The following RFX2 variants were observed in gnomAD, a reference collection of about 807,000 sequenced individuals.
RFX2 encodes DNA-binding protein RFX2.
RFX2 carries 20 observed loss-of-function variants against 87.8 expected under a neutral mutation model. That is an observed-to-expected ratio of 0.23 (90% CI 0.16 to 0.33). RFX2 has a LOEUF of 0.33. RFX2 is among the 10% of genes least tolerant of loss of function. The probability of loss-of-function intolerance (pLI) is 1.00; values close to 1 mark genes in which losing one functional copy is unlikely to be tolerated. For synonymous variants in RFX2, 397 were observed against 431.3 expected (o/e 0.92, Z 0.98); for missense variants, 767 against 1,012.3 (o/e 0.76, Z 3.29).
At chr19:6,049,747 C>T (rs2087244734) in intron 1 of RFX2, among the ~76,000 whole-genome samples, 1 of 152,200 alleles carries the variant, frequency 6.6e-6, no homozygotes, top group Non-Finnish European at 1.5e-5. Flanking sequence ...AGGCTGGTCT[C>T]AAACTCCTGG....
At position 6,089,679 on chromosome 19, in the gene RFX2, C is replaced by T. The variant is rs549168395; in HGVS notation, c.-9+20714G>A. Among the ~76,000 whole-genome samples, 73 of 152,322 alleles carry T rather than the reference C, an allele frequency of 4.8e-4. 1 individual carries two copies. Among genetic ancestry groups the T allele is most frequent in the Admixed American group, 2.6e-3 (40 of 15,300 alleles). ...AGCAGGCCCTCCCCAGACACTGAAT[C>T]TGCCAGTGCCTTGATCTTGGACTTC... On this transcript the variant is annotated intron_variant, in intron 1 of 17. Coordinates refer to ENST00000303657, the MANE Select transcript of RFX2 (RefSeq NM_000635.4).
At chr19:6,076,661 G>A (rs2087697244) in intron 1 of RFX2, among the ~76,000 whole-genome samples, 1 of 152,214 alleles carries the variant, frequency 6.6e-6, no homozygotes, top group Admixed American at 6.5e-5. Context: ...GCCCATAAAT[G>A]TTCATTAGCG....
intron 1 of RFX2, chr19:6,076,970 T>C (rs1218800400): frequency 1.3e-5 from 2 of 152,220 alleles, no homozygotes. Context: ...GCATTACTGT[T>C]ATAGAAATGA....
At chr19:6,008,273 C>G in intron 9 of RFX2, 49 bp from the exon 10 acceptor site, 1 of 1,259,952 alleles carries the variant, frequency 7.9e-7, no homozygotes, top group African/African-American at 1.5e-5. Context: ...TCTTAGGACA[C>G]CGTGGACAAC....
chr19:6,042,214 T>C lies in RFX2; in HGVS notation c.181-91A>G, dbSNP rs2087120508. On this transcript the variant is annotated intron_variant, in intron 3 of 17. Transcript: ENST00000303657. The stretch of plus-strand genomic sequence containing the variant: ...AGCTAGACGTGTCTTCTATTGCCTT[T>C]ATGAACATTTAGTACCAAATGACAA... 18 of 1,107,774 alleles carry C rather than the reference T, an allele frequency of 1.6e-5. No homozygotes were observed. In the South Asian group the frequency reaches 2.2e-4, roughly 14 times the overall value. The allele number at this position is 1,107,774 out of a possible 1,614,324, so 68.6% of individuals were successfully genotyped here. A position where few individuals can be genotyped will look rare whatever the true frequency, so the allele number is the denominator to read the frequency against.
intron 1 of RFX2, among the ~76,000 whole-genome samples, chr19:6,085,560 G>GGAATTTTTACTCTGTTGCTTTTTACT (rs2087845356): frequency 1.3e-5 from 2 of 152,104 alleles, no homozygotes; most frequent in African/African-American, 4.8e-5. Flanking sequence ...CATTCCTTGG[G>GGAATTTTTACTCTGTTGCTTTTTACT]TTGTCTTTTT....
At position 6,004,089 on chromosome 19, in the gene RFX2, A is replaced by T; in HGVS notation, c.1500+112T>A. ...CTTCCTGAAGGGATCGGTTACTCTCATGACGCAGGGAAGAAGCCAGCGCTC... is the reference window on the plus strand; with the variant it reads ...CTTCCTGAAGGGATCGGTTACTCTCTTGACGCAGGGAAGAAGCCAGCGCTC... On this transcript the variant is annotated intron_variant, in intron 13 of 17. Coordinates refer to ENST00000303657, the MANE Select transcript of RFX2 (RefSeq NM_000635.4). This position sits in a 1 kb window ranked among gnomAD's most constrained non-coding sequence, Gnocchi z 4.8. 1 of 830,204 alleles carries T rather than the reference A, an allele frequency of 1.2e-6. No individual in the cohort carries two copies. The highest frequency in any genetic ancestry group is 1.4e-5 in the South Asian group (1 of 71,580). 51.4% of individuals were successfully genotyped at this position (830,204 alleles called of 1,614,324 possible).
chr19:6,027,709 C>A lies in RFX2; in HGVS notation c.523-1472G>T, dbSNP rs1312558835. Among the ~76,000 whole-genome samples, 1 of 152,188 alleles carries A rather than the reference C, an allele frequency of 6.6e-6. No individual in the cohort carries two copies. The highest frequency in any genetic ancestry group is 2.4e-5 in the African/African-American group (1 of 41,438). The stretch of plus-strand genomic sequence containing the variant: ...CAATCATTTGGTCTATTAAAAAATA[C>A]ACTATTACAAAATTTTGAGATTTCA... On this transcript the variant is annotated intron_variant, in intron 5 of 17. Transcript: ENST00000303657. This position sits in a 1 kb window ranked among gnomAD's most constrained non-coding sequence, Gnocchi z 5.0.
chr19:6,100,648 G>A (rs547979874), intron 1 of RFX2, among the ~76,000 whole-genome samples: 3 of 152,252 alleles, frequency 2.0e-5, no homozygotes, highest in Admixed American at 6.5e-5. Flanking sequence ...GAAGTTTCCT[G>A]ACCGGAAGTC....
intron 1 of RFX2, among the ~76,000 whole-genome samples, chr19:6,106,649 C>T (rs1000567962): frequency 2.0e-5 from 3 of 152,084 alleles, no homozygotes; most frequent in African/African-American, 7.2e-5. Flanking sequence ...CATTCTCCTC[C>T]CCTGCAGTTT....
rs978726153 is a variant in RFX2 at position 6,064,526 on chromosome 19, T to C, written c.-8-17022A>G. Among the ~76,000 whole-genome samples the C allele has an allele frequency of 4.6e-4, 70 of 152,196 alleles. No homozygotes were observed. Among genetic ancestry groups the C allele is most frequent in the African/African-American group, 1.6e-3 (68 of 41,458 alleles). ...TGCCAGAGGGTGGAGGAGTGGACCT[T>C]GAAATGACAAGTGACAGTTCCTCAG... is the stretch of plus-strand genomic sequence containing the variant. On this transcript the variant is annotated intron_variant, in intron 1 of 17. Transcript: ENST00000303657. The surrounding 1 kb of genome is among the most constrained non-coding windows in gnomAD (Gnocchi z 4.8).
At chr19:6,088,211 CTTTTTTTT>C (rs1030226963) in intron 1 of RFX2, among the ~76,000 whole-genome samples, 7 of 84,410 alleles carry the variant, frequency 8.3e-5, no homozygotes, top group African/African-American at 3.4e-4. Flanking sequence ...GGCACTACAG[CTTTTTTTT>C]TTTTTTTTTT....
At chr19:6,043,899 A>T (rs1216352546) in intron 3 of RFX2, among the ~76,000 whole-genome samples, 1 of 152,174 alleles carries the variant, frequency 6.6e-6, no homozygotes, top group Non-Finnish European at 1.5e-5. Flanking sequence ...TTCTGTCTGC[A>T]TTTCTACCTG....
chr19:6,086,876 A>G (rs541742499), intron 1 of RFX2, among the ~76,000 whole-genome samples: 1 of 152,330 alleles, frequency 6.6e-6, no homozygotes, highest in East Asian at 1.9e-4. Context: ...GTAGATTGTC[A>G]TGTAATTTTT....
At chr19:6,080,502 G>A (rs755821152) in intron 1 of RFX2, among the ~76,000 whole-genome samples, 4 of 152,122 alleles carry the variant, frequency 2.6e-5, no homozygotes, top group Non-Finnish European at 5.9e-5. Context: ...GTAGAGATCC[G>A]GGCTGTGGTG....
In RFX2 at chr19:6,058,857, T is replaced by C. The variant is rs987606221; in HGVS notation, c.-8-11353A>G. Among the ~76,000 whole-genome samples the C allele has an allele frequency of 2.6e-5, 4 of 152,076 alleles. No homozygotes were observed. The East Asian group carries it at 7.7e-4, about 29-fold the overall frequency. Reference sequence around the variant, plus strand: ...GGGATGGGGGAGTGCAGACACCCAGTAGGCCCTTAAGTCGCAGGTTCTAAT... The same window carrying C: ...GGGATGGGGGAGTGCAGACACCCAGCAGGCCCTTAAGTCGCAGGTTCTAAT... On this transcript the variant is annotated intron_variant, in intron 1 of 17. Transcript: ENST00000303657.
In RFX2 at chr19:6,004,980, G is replaced by A. The variant is rs540074727; in HGVS notation, c.1403-682C>T. Among the ~76,000 whole-genome samples, 20 of 152,140 alleles carry A rather than the reference G, an allele frequency of 1.3e-4. No homozygotes were observed. The highest frequency in any genetic ancestry group is 4.3e-4 in the African/African-American group (18 of 41,506). On this transcript the variant is annotated intron_variant, in intron 12 of 17. Coordinates refer to ENST00000303657, the MANE Select transcript of RFX2 (RefSeq NM_000635.4). The surrounding 1 kb of genome is among the most constrained non-coding windows in gnomAD (Gnocchi z 4.8). ...CTAAAAATACAAAAATGATCTGGACGTGGCGGTGGGTGCCTGTAGTCCCAG... is the reference window on the plus strand; with the variant it reads ...CTAAAAATACAAAAATGATCTGGACATGGCGGTGGGTGCCTGTAGTCCCAG...
intron 15 of RFX2, among the ~76,000 whole-genome samples, chr19:6,000,349 C>T (rs930050633): frequency 1.3e-5 from 2 of 152,208 alleles, no homozygotes; most frequent in East Asian, 1.9e-4. Flanking sequence ...AACAGTCAAA[C>T]TGTTTTGTTT....
intron 1 of RFX2, among the ~76,000 whole-genome samples, chr19:6,105,281 A>C (rs2144915538): frequency 6.6e-6 from 1 of 152,284 alleles, no homozygotes; most frequent in South Asian, 2.1e-4. Flanking sequence ...GGAGGCTGAG[A>C]GCACCCATTC....
Sources: gnomAD v4.1 joint callset for allele counts (sites outside exome capture counted in the v4.1 genomes callset) on GRCh38, gnomAD v4.1.1 for gene constraint, Gnocchi (gnomAD v3.1) non-coding constraint, MANE v1.5 for transcripts, NCBI Gene and HGNC (gene_info 2026-07-23, HGNC 2026-07-21) for gene names.